The following RICTOR variants were observed in gnomAD, a reference collection of about 807,000 sequenced individuals.
RICTOR encodes rapamycin-insensitive companion of mTOR.
Under a neutral mutation model 214.9 loss-of-function variants are expected in RICTOR, and 49 were observed. The ratio of observed to expected loss-of-function variants is 0.23; its 90% CI spans 0.18 to 0.29. The LOEUF (loss-of-function observed/expected upper bound fraction) is 0.29, where lower values mean the gene tolerates loss of function less well. Among genes scored for constraint, RICTOR ranks in the 10% least tolerant of loss-of-function variants. RICTOR has a pLI of 1.00. For synonymous variants in RICTOR, 717 were observed against 711.3 expected (o/e 1.01, Z -0.13); for missense variants, 1,625 against 2,047.0 (o/e 0.79, Z 3.98).
chr5:38,943,943 C>A (rs931732809), intron 36 of RICTOR, among the ~76,000 whole-genome samples: 1 of 152,052 alleles, frequency 6.6e-6, no homozygotes, highest in East Asian at 1.9e-4. Flanking sequence ...TACATGTAAG[C>A]CCACTTTCCT....
At chr5:38,968,191 G>A (rs1202335836) in intron 11 of RICTOR, among the ~76,000 whole-genome samples, 161 bp from the exon 12 acceptor site, 2 of 152,094 alleles carry the variant, frequency 1.3e-5, no homozygotes, top group African/African-American at 4.8e-5. Flanking sequence ...ATATACGATG[G>A]TCGTTCCCTA....
At chr5:38,957,568 AT>A (rs1749373053) in intron 25 of RICTOR, 83 bp downstream of exon 25, 2 of 781,222 alleles carry the variant, frequency 2.6e-6, no homozygotes, top group Admixed American at 2.4e-5. Flanking sequence ...AAACACTGAT[AT>A]AAAAAAACCA....
At chr5:38,947,511 C>T in intron 31 of RICTOR, 70 bp from the exon 32 acceptor site, 10 of 1,118,760 alleles carry the variant, frequency 8.9e-6, no homozygotes, top group Non-Finnish European at 1.3e-5. Flanking sequence ...GAAGAAATAA[C>T]ATATATTCCT....
intron 15 of RICTOR, among the ~76,000 whole-genome samples, chr5:38,966,173 A>C (rs565145685): frequency 6.6e-6 from 1 of 152,228 alleles, no homozygotes; most frequent in Non-Finnish European, 1.5e-5. Flanking sequence ...TTTATAGAAA[A>C]GACTATAATG....
rs187477740 is a variant in RICTOR at position 38,992,049 on chromosome 5, G to A, written c.457-974C>T. Among the ~76,000 whole-genome samples the A allele has an allele frequency of 2.8e-4, 43 of 152,170 alleles. 1 individual carries two copies. In the East Asian group the frequency reaches 7.7e-3, roughly 27 times the overall value. On this transcript the variant is annotated intron_variant, in intron 6 of 37. Coordinates refer to ENST00000357387, the MANE Select transcript of RICTOR (RefSeq NM_152756.5). ...GAAAGACACACAATTAAGTCTTACA[G>A]AAGATCAAAAGAAAGATCTGTTTGA...
chr5:39,012,307 T>C (rs974004617), intron 3 of RICTOR, among the ~76,000 whole-genome samples: 2 of 152,164 alleles, frequency 1.3e-5, no homozygotes, highest in African/African-American at 2.4e-5. Flanking sequence ...CCTGCCGCCA[T>C]GTGAAGAAGG....
chr5:38,953,157 C>A, intron 28 of RICTOR, 66 bp from the exon 29 acceptor site: 2 of 1,148,920 alleles, frequency 1.7e-6, no homozygotes, highest in Admixed American at 2.0e-5. Flanking sequence ...TGGAAAGCTA[C>A]CAAGAAACAA....
At chr5:38,999,554 A>G (rs1262534) in intron 5 of RICTOR, among the ~76,000 whole-genome samples, 5,026 of 152,184 alleles carry the variant, frequency 0.033, 137 homozygotes, top group South Asian at 0.081. Context: ...CAACTACTAA[A>G]AAGAAGGAAA....
intron 31 of RICTOR, among the ~76,000 whole-genome samples, chr5:38,948,769 ATT>A (rs1484213433): frequency 2.6e-5 from 4 of 152,042 alleles, no homozygotes; most frequent in African/African-American, 9.7e-5. Context: ...TTGCTGCATA[ATT>A]TCTTAAATCC....
chr5:38,996,324 T>C lies in RICTOR; in HGVS notation c.456+495A>G, dbSNP rs562608677. On this transcript the variant is annotated intron_variant, in intron 6 of 37. Transcript: ENST00000357387. Reference sequence around the variant, plus strand: ...GCATTATGGATTGTCCTTAACACCCTCTCTTGTGGAGTGTAGGCTGTGACC... The same window carrying C: ...GCATTATGGATTGTCCTTAACACCCCCTCTTGTGGAGTGTAGGCTGTGACC... Among the ~76,000 whole-genome samples, 45 of 152,316 alleles carry C rather than the reference T, an allele frequency of 3.0e-4. No homozygotes were observed. In the South Asian group the frequency reaches 8.9e-3, roughly 30 times the overall value.
chr5:38,945,394 A>C (rs1191103720), intron 34 of RICTOR, 97 bp downstream of exon 34: 3 of 782,264 alleles, frequency 3.8e-6, no homozygotes, highest in Non-Finnish European at 6.3e-6. Context: ...CCAGCTGGGA[A>C]ACTCTGAATT....
intron 2 of RICTOR, among the ~76,000 whole-genome samples, chr5:39,037,658 T>C (rs560299690): frequency 6.6e-6 from 1 of 152,232 alleles, no homozygotes; most frequent in Admixed American, 6.5e-5. Context: ...CCCACAGACA[T>C]ACAAACTACG....
intron 31 of RICTOR, among the ~76,000 whole-genome samples, chr5:38,948,069 A>G (rs995717909): frequency 6.6e-6 from 1 of 152,142 alleles, no homozygotes; most frequent in African/African-American, 2.4e-5. Context: ...CATAACAAAT[A>G]TGATACACTG....
At position 39,060,944 on chromosome 5, in the gene RICTOR, T is replaced by G. The variant is rs181891148; in HGVS notation, c.97+13167A>C. ...TTGGGCTAGTTAGGCATCGCCCCAT[T>G]TTCCTCATCAGTTACACAGGTGTAT... On this transcript the variant is annotated intron_variant, in intron 2 of 37. Transcript: ENST00000357387. 5.2e-4 allele frequency among the ~76,000 whole-genome samples: 79 copies of G among 152,128 alleles called. 1 individual carries two copies. The highest frequency in any genetic ancestry group is 1.8e-3 in the African/African-American group (76 of 41,534).
chr5:39,052,958 G>A (rs1157871432), intron 2 of RICTOR, among the ~76,000 whole-genome samples: 2 of 152,034 alleles, frequency 1.3e-5, no homozygotes, highest in African/African-American at 2.4e-5. Context: ...TCAGACCAAG[G>A]GATAAATATC....
chr5:38,976,818 A>G (rs568644038), intron 9 of RICTOR, among the ~76,000 whole-genome samples: 1 of 152,290 alleles, frequency 6.6e-6, no homozygotes, highest in Admixed American at 6.5e-5. Context: ...CACCCTCCCA[A>G]TTCTAAGAAA....
Position 38,946,566 on chromosome 5 carries a change from T to A in RICTOR, c.4315-14A>T. The A allele has an allele frequency of 6.8e-7, 1 of 1,478,592 alleles. No individual in the cohort carries two copies. Among genetic ancestry groups the A allele is most frequent in the Non-Finnish European group, 9.5e-7 (1 of 1,057,014 alleles). The allele number at this position is 1,478,592 out of a possible 1,614,324, so 91.6% of individuals were successfully genotyped here. A position where few individuals can be genotyped will look rare whatever the true frequency, so the allele number is the denominator to read the frequency against. On this transcript the variant is annotated splice_polypyrimidine_tract_variant and intron_variant, in intron 32 of 37. Coordinates refer to ENST00000357387, the MANE Select transcript of RICTOR (RefSeq NM_152756.5). The stretch of plus-strand genomic sequence containing the variant: ...AATATCCTTTACCTAAAAAAAGATA[T>A]AAACCATGGTAAGTCCTGCTATAAA...
chr5:38,953,679 T>C (rs1748992092), intron 27 of RICTOR, 126 bp from the exon 28 acceptor site: 1 of 349,268 alleles, frequency 2.9e-6, no homozygotes, highest in Non-Finnish European at 5.2e-6. Flanking sequence ...TTCTAAATAA[T>C]TTTATGTAAA....
At chr5:38,946,320 C>G in intron 33 of RICTOR, 148 bp downstream of exon 33, 1 of 599,484 alleles carries the variant, frequency 1.7e-6, no homozygotes, top group Non-Finnish European at 3.0e-6. Context: ...TAATTTTAAG[C>G]TGACTTTAAC....
Sources: gnomAD v4.1 joint callset for allele counts (sites outside exome capture counted in the v4.1 genomes callset) on GRCh38, gnomAD v4.1.1 for gene constraint, MANE v1.5 for transcripts, NCBI Gene and HGNC (gene_info 2026-07-23, HGNC 2026-07-21) for gene names.